The following ZNF92 variants were observed in gnomAD, a reference collection of about 807,000 sequenced individuals.
The protein encoded by ZNF92 is zinc finger protein 92, also known as epididymis luminal protein 203.
A neutral mutation model predicts 12.4 loss-of-function variants in ZNF92; 11 were observed. The observed-to-expected ratio is 0.89, with a 90% confidence interval of 0.56 to 1.47. The LOEUF (loss-of-function observed/expected upper bound fraction) is 1.47, where lower values mean the gene tolerates loss of function less well. Among genes scored for constraint, ZNF92 ranks in the 40% most tolerant of loss-of-function variants. ZNF92 has a pLI of 0.00. For synonymous variants in ZNF92, 206 were observed against 228.6 expected (o/e 0.90, Z 0.89); for missense variants, 622 against 681.0 (o/e 0.91, Z 0.96).
chr7:65,399,170 G>T lies in ZNF92; in HGVS notation c.1056G>T (p.Gln352His). 1 of 1,612,528 alleles carries T rather than the reference G, an allele frequency of 6.2e-7. No homozygotes were observed. The highest frequency in any genetic ancestry group is 8.5e-7 in the Non-Finnish European group (1 of 1,179,578). ...KCEECGKAFN[Q>H]FSNLTKHKII... ...AAGAATGTGGCAAAGCCTTTAACCA[G>T]TTCTCAAACCTTACTAAACATAAGA... Residue 352 changes from glutamine to histidine, a missense_variant, in exon 4 of 4, where the codon CAG (glutamine) becomes CAT (histidine). Coordinates refer to ENST00000328747, the MANE Select transcript of ZNF92 (RefSeq NM_152626.4).
chr7:65,397,008 T>C (rs1035823711), intron 3 of ZNF92, among the ~76,000 whole-genome samples: 2 of 152,080 alleles, frequency 1.3e-5, no homozygotes, highest in African/African-American at 4.8e-5. Context: ...TCCTCTGTAC[T>C]ACTTTTTTTT....
Position 65,373,929 on chromosome 7 carries a change from GT to G in ZNF92, c.-68del. The G allele has an allele frequency of 6.2e-7, 1 of 1,610,310 alleles. No individual in the cohort carries two copies. Among genetic ancestry groups the G allele is most frequent in the Non-Finnish European group, 8.5e-7 (1 of 1,176,640 alleles). On this transcript the variant is annotated 5_prime_UTR_variant, in exon 1 of 4. Transcript: ENST00000328747. ...CCTGTGCTGATAAAGGCTCGCCGCT[GT>G]GACCCTGTTACCTGCAAGAACTTGG...
intron 1 of ZNF92, among the ~76,000 whole-genome samples, chr7:65,385,914 C>A (rs753845250): frequency 1.3e-5 from 2 of 151,902 alleles, no homozygotes; most frequent in Non-Finnish European, 2.9e-5. Context: ...CCTGGAATGC[C>A]ATGTGTTTAG....
chr7:65,395,943 AC>A (rs553188889), intron 3 of ZNF92, among the ~76,000 whole-genome samples: 222 of 151,796 alleles, frequency 1.5e-3, no homozygotes, highest in African/African-American at 4.0e-3. Flanking sequence ...ATAGGGTCTC[AC>A]TCTGTCAACC....
chr7:65,394,149 C>T (rs1562796189), intron 3 of ZNF92, among the ~76,000 whole-genome samples: 1 of 151,938 alleles, frequency 6.6e-6, no homozygotes, highest in Non-Finnish European at 1.5e-5. Context: ...GGTGCCAAGA[C>T]CAATGTAATG....
In ZNF92 at chr7:65,398,058, G is replaced by T. The variant is rs141960347; in HGVS notation, c.227-283G>T. Reference sequence around the variant, plus strand: ...AGGTTATTGAGGAGCAGGAAGAGCTGTGTTGGGTAAATGTAACACAGTTTT... The same window carrying T: ...AGGTTATTGAGGAGCAGGAAGAGCTTTGTTGGGTAAATGTAACACAGTTTT... On this transcript the variant is annotated intron_variant, in intron 3 of 3. Coordinates refer to ENST00000328747, the MANE Select transcript of ZNF92 (RefSeq NM_152626.4). Among the ~76,000 whole-genome samples the T allele has an allele frequency of 2.0e-3, 300 of 151,654 alleles. 4 individuals are homozygous for T. The highest frequency in any genetic ancestry group is 5.6e-3 in the African/African-American group (233 of 41,368).
Position 65,399,976 on chromosome 7 carries a change from T to G in ZNF92, c.*101T>G. The G allele has an allele frequency of 9.5e-7, 1 of 1,055,950 alleles. No individual in the cohort carries two copies. Among genetic ancestry groups the G allele is most frequent in the Non-Finnish European group, 1.3e-6 (1 of 748,612 alleles). 65.4% of individuals were successfully genotyped at this position (1,055,950 alleles called of 1,614,324 possible). A position where few individuals can be genotyped will look rare whatever the true frequency, so the allele number is the denominator to read the frequency against. On this transcript the variant is annotated 3_prime_UTR_variant, in exon 4 of 4. Coordinates refer to ENST00000328747, the MANE Select transcript of ZNF92 (RefSeq NM_152626.4). ...GAATATGACAAGGACTTTAAATGGT[T>G]GTCACGCTTGATTGTAGGTAAGATA...
intron 1 of ZNF92, among the ~76,000 whole-genome samples, chr7:65,378,563 A>G (rs550722432): frequency 6.6e-6 from 1 of 151,686 alleles, no homozygotes; most frequent in East Asian, 2.0e-4. Flanking sequence ...TAACATGGTG[A>G]TACTCCATCT....
At position 65,398,727 on chromosome 7, in the gene ZNF92, G is replaced by T. The variant is rs201718168; in HGVS notation, c.613G>T (p.Glu205Ter). ...TAGAGAGTATTCTTACAAATGTGAAGAATGTGGTAAAGCCTTTAACTGGTC... is the reference window on the plus strand; with the variant it reads ...TAGAGAGTATTCTTACAAATGTGAATAATGTGGTAAAGCCTTTAACTGGTC... Reference protein sequence around the residue: ...HTREYSYKCEECGKAFNWSST... With the variant: ...HTREYSYKCE Residue 205 changes from glutamate to a stop codon, truncating the protein, a stop_gained, in exon 4 of 4, where the codon GAA becomes TAA. Transcript: ENST00000328747. LOFTEE classifies it low-confidence loss of function (END_TRUNC). 4.3e-6 allele frequency: 7 copies of T among 1,612,368 alleles called. No homozygotes were observed. Among genetic ancestry groups the T allele is most frequent in the Non-Finnish European group, 5.9e-6 (7 of 1,179,474 alleles).
chr7:65,399,122 T>TG lies in ZNF92; in HGVS notation c.1012dup (p.Glu338GlyfsTer7). 6.2e-7 allele frequency: 1 copy of TG among 1,612,534 alleles called. No homozygotes were observed. Among genetic ancestry groups the TG allele is most frequent in the East Asian group, 2.2e-5 (1 of 44,776 alleles). ...TTAAAAAACATAAGATAATCCATACTGGGGAAAAACCATACAAATGTGAAG... is the reference window on the plus strand; with the variant it reads ...TTAAAAAACATAAGATAATCCATACTGGGGGAAAAACCATACAAATGTGAAG... On this transcript the variant is annotated frameshift_variant, in exon 4 of 4. Transcript: ENST00000328747. LOFTEE classifies it low-confidence loss of function (END_TRUNC).
chr7:65,387,474 G>C (rs1793600269), intron 1 of ZNF92, among the ~76,000 whole-genome samples: 1 of 151,404 alleles, frequency 6.6e-6, no homozygotes, highest in South Asian at 2.1e-4. Context: ...GATCTTCTTA[G>C]AAATTAAGAA....
chr7:65,386,291 T>TTACAG (rs1175270899), intron 1 of ZNF92, among the ~76,000 whole-genome samples: 2 of 152,078 alleles, frequency 1.3e-5, no homozygotes, highest in Non-Finnish European at 2.9e-5. Context: ...AGTGCTGGGA[T>TTACAG]TACAGGCATG....
rs181781046 is a variant in ZNF92 at position 65,397,053 on chromosome 7, A to G, written c.227-1288A>G. Among the ~76,000 whole-genome samples, 1,014 of 151,632 alleles carry G rather than the reference A, an allele frequency of 6.7e-3. 17 individuals carry two copies. The highest frequency in any genetic ancestry group is 0.023 in the African/African-American group (945 of 41,342). ...CTTCTAAGATTTCTCCCATGAATAT[A>G]TTGATTTAATTGATGGTGGCCAGTA... is the stretch of plus-strand genomic sequence containing the variant. On this transcript the variant is annotated intron_variant, in intron 3 of 3. Coordinates refer to ENST00000328747, the MANE Select transcript of ZNF92 (RefSeq NM_152626.4).
At chr7:65,383,742 T>C (rs1217530684) in intron 1 of ZNF92, among the ~76,000 whole-genome samples, 1 of 152,106 alleles carries the variant, frequency 6.6e-6, no homozygotes, top group Non-Finnish European at 1.5e-5. Context: ...AAAGACTACC[T>C]GATCAGGACA....
At chr7:65,375,318 T>A (rs1394726371) in intron 1 of ZNF92, among the ~76,000 whole-genome samples, 2 of 151,810 alleles carry the variant, frequency 1.3e-5, no homozygotes, top group African/African-American at 2.4e-5. Context: ...GTCGCTAGAG[T>A]GTCTAGTAAA....
At chr7:65,390,390 G>T (rs967720528) in intron 3 of ZNF92, among the ~76,000 whole-genome samples, 4 of 151,948 alleles carry the variant, frequency 2.6e-5, no homozygotes, top group South Asian at 2.1e-4. Flanking sequence ...GGAGCAAACA[G>T]CTCTTCAGGT....
intron 3 of ZNF92, among the ~76,000 whole-genome samples, chr7:65,395,783 A>G (rs953552558): frequency 3.3e-5 from 5 of 152,186 alleles, no homozygotes; most frequent in African/African-American, 1.2e-4. Flanking sequence ...TATGTCTGAT[A>G]TAATTATGAC....
chr7:65,374,300 G>C (rs1216371008), intron 1 of ZNF92, among the ~76,000 whole-genome samples: 1 of 152,146 alleles, frequency 6.6e-6, no homozygotes, highest in East Asian at 1.9e-4. Context: ...CAGGGACGAC[G>C]GGAGAATAGT....
chr7:65,390,391 C>T (rs1793680987), intron 3 of ZNF92, among the ~76,000 whole-genome samples: 1 of 152,082 alleles, frequency 6.6e-6, no homozygotes, highest in Non-Finnish European at 1.5e-5. Flanking sequence ...GAGCAAACAG[C>T]TCTTCAGGTT....
Sources: gnomAD v4.1 joint callset for allele counts (sites outside exome capture counted in the v4.1 genomes callset) on GRCh38, gnomAD v4.1.1 for gene constraint, MANE v1.5 for transcripts, NCBI Gene and HGNC (gene_info 2026-07-23, HGNC 2026-07-21) for gene names.